The following TAS2R1 variants were observed in gnomAD, a reference collection of about 807,000 sequenced individuals.
The protein encoded by TAS2R1 is taste 2 receptor member 1.
For missense variants in TAS2R1, 370 were observed against 353.4 expected (o/e 1.05, Z -0.38); for synonymous variants, 141 against 134.2 (o/e 1.05, Z -0.35).
chr5:9,888,056 C>T, the TAS2R1 span, among the ~76,000 whole-genome samples: 2 of 152,004 alleles, frequency 1.3e-5, no homozygotes, highest in Admixed American at 6.6e-5. Context: ...AGGCAGCTAC[C>T]GAAAGGGGGT....
chr5:9,716,846 C>T (rs770311455), upstream of TAS2R1, among the ~76,000 whole-genome samples: 2 of 152,044 alleles, frequency 1.3e-5, no homozygotes, highest in African/African-American at 2.4e-5. Flanking sequence ...GTTTAGAAGA[C>T]GAGGGTGAGC....
chr5:9,844,224 T>C, the TAS2R1 span, among the ~76,000 whole-genome samples: 2 of 152,180 alleles, frequency 1.3e-5, no homozygotes, highest in African/African-American at 4.8e-5. Context: ...CATTTTTCTA[T>C]TATATTAGCC....
At chr5:9,890,900 T>A in the TAS2R1 span, among the ~76,000 whole-genome samples, 1 of 152,220 alleles carries the variant, frequency 6.6e-6, no homozygotes, top group Non-Finnish European at 1.5e-5. Flanking sequence ...GAGGTTTGCT[T>A]GGAATCCTGG....
upstream of TAS2R1, among the ~76,000 whole-genome samples, chr5:9,634,563 T>C (rs1380864690): frequency 2.0e-5 from 3 of 152,190 alleles, no homozygotes; most frequent in African/African-American, 7.2e-5. Flanking sequence ...TAATATTGAT[T>C]CTACCCATCC....
chr5:9,669,311 TG>T (rs1740704786), intron 1 of TAS2R1, among the ~76,000 whole-genome samples: 1 of 152,084 alleles, frequency 6.6e-6, no homozygotes, highest in African/African-American at 2.4e-5. Context: ...ACGATAATAG[TG>T]GGAAAATTCA....
chr5:9,668,057 GC>G (rs1370532164), intron 1 of TAS2R1, among the ~76,000 whole-genome samples: 5 of 152,114 alleles, frequency 3.3e-5, no homozygotes, highest in African/African-American at 1.2e-4. Flanking sequence ...AAACAAAATG[GC>G]CATATTAAGA....
At chr5:9,725,284 C>T in the TAS2R1 span, among the ~76,000 whole-genome samples, 2 of 152,260 alleles carry the variant, frequency 1.3e-5, no homozygotes, top group South Asian at 4.1e-4. Context: ...GAGCCGGCTT[C>T]CTCAGCTTGC....
At chr5:9,852,849 A>AT in the TAS2R1 span, among the ~76,000 whole-genome samples, 14 of 143,452 alleles carry the variant, frequency 9.8e-5, no homozygotes, top group African/African-American at 3.3e-4. Flanking sequence ...CAGGAAAAAA[A>AT]AAAATATATA....
chr5:9,862,598 TTTATGA>T, the TAS2R1 span, among the ~76,000 whole-genome samples: 1 of 72,996 alleles, frequency 1.4e-5, no homozygotes, highest in Non-Finnish European at 2.8e-5. Flanking sequence ...CTTATTTCGT[TTTATGA>T]TTATTATTAT....
At chr5:9,833,168 C>T in the TAS2R1 span, among the ~76,000 whole-genome samples, 17 of 152,188 alleles carry the variant, frequency 1.1e-4, no homozygotes, top group African/African-American at 3.6e-4. Flanking sequence ...GCCAGGTATG[C>T]ATTTGTCTCA....
chr5:9,734,435 AC>A, the TAS2R1 span, among the ~76,000 whole-genome samples: 1 of 152,170 alleles, frequency 6.6e-6, no homozygotes, highest in Non-Finnish European at 1.5e-5. Flanking sequence ...TGATTTATTA[AC>A]CCACATCTGA....
chr5:9,732,109 C>T, the TAS2R1 span, among the ~76,000 whole-genome samples: 3 of 152,130 alleles, frequency 2.0e-5, no homozygotes, highest in Non-Finnish European at 2.9e-5. Context: ...CAGCAAAGAC[C>T]TCCTGAAGCA....
chr5:9,885,177 C>A, the TAS2R1 span, among the ~76,000 whole-genome samples: 1 of 152,140 alleles, frequency 6.6e-6, no homozygotes, highest in Non-Finnish European at 1.5e-5. Context: ...GACCTAGAAC[C>A]CATGTTTCTA....
chr5:9,823,322 T>G, the TAS2R1 span, among the ~76,000 whole-genome samples: 1 of 152,116 alleles, frequency 6.6e-6, no homozygotes, highest in South Asian at 2.1e-4. Context: ...TTTTTCCTCA[T>G]GCTCTCACCC....
the TAS2R1 span, among the ~76,000 whole-genome samples, chr5:9,887,406 C>T: frequency 4.7e-4 from 72 of 152,258 alleles, no homozygotes; most frequent in Non-Finnish European, 6.8e-4. Flanking sequence ...TCCAAGCTAT[C>T]CTTCCCAGTT....
the TAS2R1 span, among the ~76,000 whole-genome samples, chr5:9,786,296 T>C: frequency 6.6e-6 from 1 of 152,206 alleles, no homozygotes; most frequent in Non-Finnish European, 1.5e-5. Flanking sequence ...CTAGGAAAGA[T>C]GTTTAGGAGT....
chr5:9,745,774 A>G, the TAS2R1 span, among the ~76,000 whole-genome samples: 2 of 152,164 alleles, frequency 1.3e-5, no homozygotes, highest in African/African-American at 2.4e-5. Flanking sequence ...AATTCAAGGT[A>G]GATTTAAGAC....
chr5:9,884,342 T>C, the TAS2R1 span, among the ~76,000 whole-genome samples: 2 of 151,422 alleles, frequency 1.3e-5, no homozygotes, highest in Admixed American at 6.6e-5. Flanking sequence ...GGTGTGGTGG[T>C]GGGCGCCTGT....
chr5:9,672,763 G>A (rs755476316), intron 1 of TAS2R1, among the ~76,000 whole-genome samples: 7 of 152,018 alleles, frequency 4.6e-5, no homozygotes, highest in Admixed American at 1.3e-4. Flanking sequence ...TTCAAAAGAA[G>A]TATCATTTGA....
Sources: gnomAD v4.1 joint callset for allele counts (sites outside exome capture counted in the v4.1 genomes callset) on GRCh38, gnomAD v4.1.1 for gene constraint, MANE v1.5 for transcripts, NCBI Gene and HGNC (gene_info 2026-07-23, HGNC 2026-07-21) for gene names.